The following RMST variants were observed in gnomAD, a reference collection of about 807,000 sequenced individuals.
The protein encoded by RMST is rhabdomyosarcoma 2 associated transcript.
At chr12:97,504,577 G>A (rs1362291175) in intron 10 of RMST, among the ~76,000 whole-genome samples, 1 of 151,980 alleles carries the variant, frequency 6.6e-6, no homozygotes, top group African/African-American at 2.4e-5. Flanking sequence ...ATCTACATGT[G>A]TAAAGAGTAT....
Position 97,468,637 on chromosome 12 carries a change from TA to T in RMST, n.644+2912del, listed in dbSNP as rs1593111840. Among the ~76,000 whole-genome samples the T allele has an allele frequency of 2.0e-5, 3 of 152,128 alleles. No individual in the cohort carries two copies. The East Asian group carries it at 5.8e-4, about 29-fold the overall frequency. ...GTAGTTTCCTTAGAGAGATACAAGG[TA>T]ACACACAGTGGTCAGGAACATATGG... is the stretch of plus-strand genomic sequence containing the variant. On this transcript the variant is annotated intron_variant and non_coding_transcript_variant, in intron 5 of 13. Coordinates refer to ENST00000640149, the Ensembl canonical transcript of RMST.
rs80047271 is a variant in RMST, at chr12:97,496,684, T to G, written n.1340+628T>G. On this transcript the variant is annotated intron_variant and non_coding_transcript_variant, in intron 10 of 13. Coordinates refer to ENST00000640149, the Ensembl canonical transcript of RMST. ...TCACTCTCTTGTGTTGGATGTCTTTTTCTCATGTGCATGCACATGAAGCTT... is the reference window on the plus strand; with the variant it reads ...TCACTCTCTTGTGTTGGATGTCTTTGTCTCATGTGCATGCACATGAAGCTT... Among the ~76,000 whole-genome samples the G allele has an allele frequency of 9.8e-5, 15 of 152,296 alleles. No homozygotes were observed. In the East Asian group the frequency reaches 2.7e-3, roughly 27 times the overall value.
chr12:97,558,430 T>C (rs552534686), intron 11 of RMST, among the ~76,000 whole-genome samples: 2 of 152,308 alleles, frequency 1.3e-5, no homozygotes, highest in South Asian at 4.1e-4. Flanking sequence ...TTGTCTGTGT[T>C]AATGATTGTT....
At chr12:97,476,735 G>C (rs1165303459) in intron 5 of RMST, among the ~76,000 whole-genome samples, 2 of 152,132 alleles carry the variant, frequency 1.3e-5, no homozygotes, top group African/African-American at 4.8e-5. Context: ...TGTCTGGACA[G>C]TACTCCAAAA....
chr12:97,466,617 G>C (rs1873225592), intron 5 of RMST, among the ~76,000 whole-genome samples: 1 of 152,030 alleles, frequency 6.6e-6, no homozygotes, highest in Non-Finnish European at 1.5e-5. Context: ...GAAGAATCTG[G>C]GGAAAAGGCC....
At chr12:97,529,622 G>T (rs192145435) in intron 10 of RMST, among the ~76,000 whole-genome samples, 10 of 151,988 alleles carry the variant, frequency 6.6e-5, no homozygotes, top group African/African-American at 2.4e-4. Flanking sequence ...AGACATTTTC[G>T]TGGTAATTCT....
At chr12:97,486,295 A>T (rs79597972) in intron 5 of RMST, among the ~76,000 whole-genome samples, 2 of 152,092 alleles carry the variant, frequency 1.3e-5, no homozygotes, top group Non-Finnish European at 2.9e-5. Context: ...TTTTAAAAAA[A>T]TTCTAATCAG....
At chr12:97,564,119 A>G in intron 13 of RMST, 1 of 309,754 alleles carries the variant, frequency 3.2e-6, no homozygotes, top group South Asian at 3.0e-5. Flanking sequence ...ATTTTTGTTT[A>G]TCATACATTT....
At chr12:97,562,458 G>A (rs2136678011) in intron 13 of RMST, among the ~76,000 whole-genome samples, 1 of 152,246 alleles carries the variant, frequency 6.6e-6, no homozygotes, top group Middle Eastern at 3.4e-3. Context: ...GAGGAGCGGT[G>A]GGGGTTGGGA....
intron 10 of RMST, among the ~76,000 whole-genome samples, chr12:97,511,891 G>C (rs1435830399): frequency 2.0e-5 from 3 of 152,200 alleles, no homozygotes; most frequent in African/African-American, 7.2e-5. Flanking sequence ...TGTTGGTATA[G>C]TTTTAGCTAT....
chr12:97,516,059 G>T (rs1452728150), intron 10 of RMST, among the ~76,000 whole-genome samples: 2 of 151,912 alleles, frequency 1.3e-5, no homozygotes, highest in Non-Finnish European at 2.9e-5. Flanking sequence ...TGTATTCAAA[G>T]AGTTTCTAAA....
intron 11 of RMST, chr12:97,532,992 TAAG>T (rs1881794567): frequency 6.6e-6 from 1 of 151,894 alleles, no homozygotes; most frequent in Middle Eastern, 3.4e-3. Flanking sequence ...CAAATAATAA[TAAG>T]AAGAAAATCT....
At chr12:97,494,151 G>T (rs555704750) in intron 8 of RMST, 1 of 152,268 alleles carries the variant, frequency 6.6e-6, no homozygotes, top group East Asian at 1.9e-4. Context: ...ATACATGCAT[G>T]TTCATCTGTC....
At chr12:97,548,127 C>T (rs1344992079) in intron 11 of RMST, among the ~76,000 whole-genome samples, 4 of 152,034 alleles carry the variant, frequency 2.6e-5, no homozygotes, top group Non-Finnish European at 5.9e-5. Flanking sequence ...TGTTCAGTTT[C>T]CTTGACATTT....
At chr12:97,493,457 A>C (rs558493074) in intron 7 of RMST, among the ~76,000 whole-genome samples, 1 of 152,144 alleles carries the variant, frequency 6.6e-6, no homozygotes, top group Non-Finnish European at 1.5e-5. Flanking sequence ...CAACATATAC[A>C]TTTCTCTTAT....
At chr12:97,556,331 C>A (rs1217968786) in intron 11 of RMST, among the ~76,000 whole-genome samples, 1 of 152,156 alleles carries the variant, frequency 6.6e-6, no homozygotes, top group Non-Finnish European at 1.5e-5. Flanking sequence ...ATGCAGCAGA[C>A]ATACTCCCCT....
intron 10 of RMST, among the ~76,000 whole-genome samples, chr12:97,511,725 A>C (rs1276766422): frequency 6.6e-6 from 1 of 152,172 alleles, no homozygotes; most frequent in Non-Finnish European, 1.5e-5. Flanking sequence ...CAGCAGCATT[A>C]AAAATGGAAT....
intron 5 of RMST, among the ~76,000 whole-genome samples, chr12:97,475,771 G>C (rs1464607395): frequency 1.3e-5 from 2 of 151,954 alleles, no homozygotes; most frequent in Non-Finnish European, 2.9e-5. Context: ...TCTTATTCCA[G>C]TAGAATTTGT....
intron 10 of RMST, among the ~76,000 whole-genome samples, chr12:97,520,479 A>G (rs1880399938): frequency 1.3e-5 from 2 of 152,068 alleles, no homozygotes; most frequent in South Asian, 4.2e-4. Flanking sequence ...AGTCTTCCAT[A>G]CTCTTATTTT....
Sources: gnomAD v4.1 joint callset for allele counts (sites outside exome capture counted in the v4.1 genomes callset) on GRCh38, gnomAD v4.1.1 for gene constraint, MANE v1.5 for transcripts, NCBI Gene and HGNC (gene_info 2026-07-23, HGNC 2026-07-21) for gene names.